The following MUSK variants were observed in gnomAD, a reference collection of about 807,000 sequenced individuals.
MUSK encodes muscle, skeletal receptor tyrosine-protein kinase.
Under a neutral mutation model 88.7 loss-of-function variants are expected in MUSK, and 55 were observed. The ratio of observed to expected loss-of-function variants is 0.62; its 90% CI spans 0.50 to 0.78. The LOEUF (loss-of-function observed/expected upper bound fraction) is 0.78, where lower values mean the gene tolerates loss of function less well. Ranked by LOEUF, MUSK falls within the 30% of genes least tolerant of loss-of-function variation. MUSK has a pLI of 0.00. For synonymous variants in MUSK, 387 were observed against 391.9 expected, an observed-to-expected ratio of 0.99 and a Z score of 0.15; for missense variants, 1,015 against 1,074.3, an observed-to-expected ratio of 0.94 and a Z score of 0.77.
chr9:110,801,522 T>C lies in MUSK; in HGVS notation c.*534T>C, dbSNP rs1249773416. 6.6e-6 allele frequency: 1 copy of C among 152,294 alleles called. No individual in the cohort carries two copies. Among genetic ancestry groups the C allele is most frequent in the Non-Finnish European group, 1.5e-5 (1 of 68,074 alleles). The allele number at this position is 152,294 out of a possible 1,614,324, so 9.4% of individuals were successfully genotyped here. ...TTTATTAAATCTTTCTTGCATTTAA[T>C]GCATAATTTTATATTTGTTTGTATT... is the stretch of plus-strand genomic sequence containing the variant. On this transcript the variant is annotated 3_prime_UTR_variant, in exon 15 of 15. Coordinates refer to ENST00000374448, the MANE Select transcript of MUSK (RefSeq NM_005592.4).
chr9:110,755,291 G>C (rs6477788), intron 7 of MUSK, among the ~76,000 whole-genome samples: 51,739 of 151,952 alleles, frequency 0.34, 9,240 homozygotes, highest in Middle Eastern at 0.37. Context: ...TAAAATTTTA[G>C]AGCTTATTAT....
intron 5 of MUSK, among the ~76,000 whole-genome samples, chr9:110,715,792 T>A (rs914388955): frequency 1.3e-5 from 2 of 148,852 alleles, no homozygotes; most frequent in Non-Finnish European, 3.0e-5. Flanking sequence ...TATGCAGCCA[T>A]AAAAAGGAAA....
At chr9:110,745,383 A>G (rs1325086769) in intron 6 of MUSK, among the ~76,000 whole-genome samples, 1 of 152,194 alleles carries the variant, frequency 6.6e-6, no homozygotes, top group East Asian at 1.9e-4. Flanking sequence ...GCACATTCCT[A>G]CTTCTTGCAG....
At chr9:110,743,327 A>T (rs1196911645) in intron 6 of MUSK, among the ~76,000 whole-genome samples, 1 of 152,216 alleles carries the variant, frequency 6.6e-6, no homozygotes. Context: ...TTTTGTGGAA[A>T]TCTGAATTCA....
chr9:110,721,250 C>CAAGAGAAAGAAATA (rs2076807735), intron 5 of MUSK, among the ~76,000 whole-genome samples: 1 of 151,948 alleles, frequency 6.6e-6, no homozygotes, highest in East Asian at 1.9e-4. Context: ...AGCAATCAGA[C>CAAGAGAAAGAAATA]AAGAGAAAGA....
At position 110,785,614 on chromosome 9, in the gene MUSK, G is replaced by A. The variant is rs541645382; in HGVS notation, c.1674G>A (p.Pro558=). 175 of 1,613,108 alleles carry A rather than the reference G, an allele frequency of 1.1e-4. No homozygotes were observed. The highest frequency in any genetic ancestry group is 1.7e-4 in the Middle Eastern group (1 of 6,060). Residue 558 remains proline, a synonymous_variant, in exon 13 of 15, where the codon CCG becomes CCA. Coordinates refer to ENST00000374448, the MANE Select transcript of MUSK (RefSeq NM_005592.4). ...LHPNPMYQRM[P]LLLNPKLLSL... is the part of the protein sequence containing the mutation. Reference sequence around the variant, plus strand: ...CCAACCCCATGTACCAGAGGATGCCGCTCCTTCTGAACCCCAAATTGCTCA... The same window carrying A: ...CCAACCCCATGTACCAGAGGATGCCACTCCTTCTGAACCCCAAATTGCTCA...
intron 5 of MUSK, among the ~76,000 whole-genome samples, chr9:110,701,564 A>G (rs4576482): frequency 0.13 from 19,930 of 151,700 alleles, 1,950 homozygotes; most frequent in East Asian, 0.45. Flanking sequence ...ATAGCTTACT[A>G]TAGCCTCAAA....
intron 1 of MUSK, among the ~76,000 whole-genome samples, chr9:110,680,687 T>C (rs1244027031): frequency 1.3e-5 from 2 of 151,648 alleles, no homozygotes; most frequent in Non-Finnish European, 2.9e-5. Context: ...TGCCCAGCTG[T>C]ATTTCTTTTT....
rs757335240 is a variant in MUSK, at chr9:110,800,390, C to A, written c.2012C>A (p.Ser671Tyr). 1 of 1,613,860 alleles carries A rather than the reference C, an allele frequency of 6.2e-7. No homozygotes were observed. Among genetic ancestry groups the A allele is most frequent in the Non-Finnish European group, 8.5e-7 (1 of 1,179,840 alleles). ...CTCAATGAGTTCCTCCGCAGCATGT[C>A]CCCTCACACCGTGTGCAGCCTCAGT... ...GDLNEFLRSM[S>Y]PHTVCSLSHS... The change falls in exon 15 of 15, where the codon TCC becomes TAC. Residue 671 changes from serine to tyrosine, a missense_variant. Ser to Tyr is a moderately radical substitution (Grantham distance 144). Transcript: ENST00000374448.
intron 14 of MUSK, among the ~76,000 whole-genome samples, chr9:110,797,162 CA>C (rs34924295): frequency 0.061 from 1,024 of 16,770 alleles, 11 homozygotes; most frequent in Admixed American, 0.083. Flanking sequence ...CATGAATACC[CA>C]AAAAAAAAAA....
rs567854345 is a variant in MUSK, at chr9:110,797,987, T to A, written c.1928-2319T>A. On this transcript the variant is annotated intron_variant, in intron 14 of 14. Transcript: ENST00000374448. ...CATGCTTATACATCACTACTTGGAGTTTTCTCTCATTTTTATTGTCCAACA... is the reference window on the plus strand; with the variant it reads ...CATGCTTATACATCACTACTTGGAGATTTCTCTCATTTTTATTGTCCAACA... Among the ~76,000 whole-genome samples the A allele has an allele frequency of 2.6e-5, 4 of 152,276 alleles. No homozygotes were observed. The South Asian group carries it at 8.3e-4, about 32-fold the overall frequency.
In MUSK at chr9:110,713,631, C is replaced by A. The variant is rs536895807; in HGVS notation, c.628+16165C>A. The stretch of plus-strand genomic sequence containing the variant: ...AATGTGGGAACCTATGGTTTGGAGG[C>A]ATATGGCCTTATCTGGCATCCAGAA... On this transcript the variant is annotated intron_variant, in intron 5 of 14. Transcript: ENST00000374448. 2.6e-5 allele frequency among the ~76,000 whole-genome samples: 4 copies of A among 152,208 alleles called. No individual in the cohort carries two copies. In the South Asian group the frequency reaches 8.3e-4, roughly 32 times the overall value.
chr9:110,679,898 T>C (rs773728580), intron 1 of MUSK, among the ~76,000 whole-genome samples: 1 of 152,160 alleles, frequency 6.6e-6, no homozygotes, highest in Non-Finnish European at 1.5e-5. Flanking sequence ...TATAGTTGTT[T>C]GTCTAGAATT....
chr9:110,790,705 G>A (rs762606408), intron 14 of MUSK, among the ~76,000 whole-genome samples: 5 of 152,034 alleles, frequency 3.3e-5, no homozygotes, highest in Admixed American at 6.6e-5. Context: ...AAGATTTGAG[G>A]AAAGAGAAGA....
At chr9:110,743,402 G>T (rs1224985349) in intron 6 of MUSK, among the ~76,000 whole-genome samples, 2 of 152,120 alleles carry the variant, frequency 1.3e-5, no homozygotes, top group African/African-American at 4.8e-5. Flanking sequence ...TAGTAGTTTG[G>T]CATGGAAAGA....
chr9:110,694,271 A>G (rs1327374805), intron 3 of MUSK, among the ~76,000 whole-genome samples: 1 of 149,686 alleles, frequency 6.7e-6, no homozygotes, highest in Admixed American at 6.7e-5. Flanking sequence ...CTGTAGTCCC[A>G]GCTACTCGGG....
At chr9:110,763,183 G>A (rs1474635505) in intron 8 of MUSK, among the ~76,000 whole-genome samples, 1 of 152,128 alleles carries the variant, frequency 6.6e-6, no homozygotes, top group Admixed American at 6.5e-5. Flanking sequence ...CTGAAAAGCA[G>A]TGAAAATCAT....
At chr9:110,735,335 C>T (rs892723773) in intron 6 of MUSK, among the ~76,000 whole-genome samples, 1 of 151,948 alleles carries the variant, frequency 6.6e-6, no homozygotes. Context: ...TGAATGGATA[C>T]AGAAAATGTG....
rs1564268557 is a variant in MUSK, at chr9:110,755,937, T to TATATATATACACATATATATAAC, written c.914-6256_914-6255insCACATATATATAACATATATATA. Among the ~76,000 whole-genome samples, 13 of 88,372 alleles carry TATATATATACACATATATATAAC rather than the reference T, an allele frequency of 1.5e-4. No individual in the cohort carries two copies. The East Asian group carries it at 2.1e-3, about 14-fold the overall frequency. The allele number at this position is 88,372 out of a possible 152,430, so 58.0% of individuals were successfully genotyped here. On this transcript the variant is annotated intron_variant, in intron 7 of 14. Transcript: ENST00000374448. ...GCCCAGTGCCATATATATATACATA[T>TATATATATACACATATATATAAC]ATATATATATATACACATATATATA...
Sources: gnomAD v4.1 joint callset for allele counts (sites outside exome capture counted in the v4.1 genomes callset) on GRCh38, gnomAD v4.1.1 for gene constraint, MANE v1.5 for transcripts, NCBI Gene and HGNC (gene_info 2026-07-23, HGNC 2026-07-21) for gene names.